The following WDFY2 variants were observed in gnomAD, a reference collection of about 807,000 sequenced individuals.
WDFY2 encodes the protein WD repeat and FYVE domain-containing protein 2.
Under a neutral mutation model 56.4 loss-of-function variants are expected in WDFY2, and 36 were observed. The ratio of observed to expected loss-of-function variants is 0.64; its 90% CI spans 0.49 to 0.84. WDFY2 has a LOEUF of 0.84. Among genes scored for constraint, WDFY2 ranks in the 40% least tolerant of loss-of-function variants. The pLI is 0.00. For missense variants in WDFY2, 444 were observed against 512.2 expected (o/e 0.87, Z 1.29); for synonymous variants, 176 against 183.7 (o/e 0.96, Z 0.34).
At chr13:51,742,377 T>A (rs1952994499) in intron 7 of WDFY2, among the ~76,000 whole-genome samples, 1 of 152,200 alleles carries the variant, frequency 6.6e-6, no homozygotes, top group Non-Finnish European at 1.5e-5. Flanking sequence ...TTCTGGTGTA[T>A]TTATTCCCTG....
intron 1 of WDFY2, among the ~76,000 whole-genome samples, chr13:51,650,387 C>A (rs915345944): frequency 6.6e-6 from 1 of 152,102 alleles, no homozygotes; most frequent in Non-Finnish European, 1.5e-5. Flanking sequence ...TCCTCTTTTC[C>A]TAATTGAATA....
At chr13:51,644,288 C>G (rs933282039) in intron 1 of WDFY2, among the ~76,000 whole-genome samples, 3 of 152,194 alleles carry the variant, frequency 2.0e-5, no homozygotes, top group Admixed American at 2.0e-4. Context: ...GAATTAAGAC[C>G]TTGTGGCTCA....
intron 1 of WDFY2, chr13:51,588,386 C>T (rs999382592): frequency 2.6e-5 from 4 of 152,176 alleles, no homozygotes; most frequent in Non-Finnish European, 5.9e-5. Context: ...ACCTTTGTAT[C>T]TTCATAAGTT....
rs142088850 is a variant in WDFY2 at position 51,735,874 on chromosome 13, T to C, written c.599-3175T>C. Among the ~76,000 whole-genome samples the C allele has an allele frequency of 1.1e-4, 16 of 152,292 alleles. No homozygotes were observed. The East Asian group carries it at 3.1e-3, about 29-fold the overall frequency. ...AGCTTTTCCTTCTATCTCTTCCACT[T>C]TGGGCCCTGGGAGTGTCTGATGAAT... is the stretch of plus-strand genomic sequence containing the variant. On this transcript the variant is annotated intron_variant, in intron 6 of 11. Coordinates refer to ENST00000298125, the MANE Select transcript of WDFY2 (RefSeq NM_052950.4).
At chr13:51,667,292 A>G (rs1955721892) in intron 2 of WDFY2, among the ~76,000 whole-genome samples, 1 of 152,176 alleles carries the variant, frequency 6.6e-6, no homozygotes, top group Non-Finnish European at 1.5e-5. Flanking sequence ...GGTAACAGAC[A>G]AGTTAAAATT....
intron 2 of WDFY2, among the ~76,000 whole-genome samples, chr13:51,672,307 C>G (rs1955821704): frequency 6.6e-6 from 1 of 152,092 alleles, no homozygotes. Flanking sequence ...AATAGGGTGT[C>G]CTTTTTCCAC....
intron 1 of WDFY2, among the ~76,000 whole-genome samples, chr13:51,611,800 A>C (rs1319717982): frequency 6.6e-6 from 1 of 152,170 alleles, no homozygotes; most frequent in Non-Finnish European, 1.5e-5. Flanking sequence ...ATAAGGAAGG[A>C]GATACCTCTG....
intron 1 of WDFY2, among the ~76,000 whole-genome samples, chr13:51,618,845 C>T (rs987968930): frequency 1.3e-5 from 2 of 152,222 alleles, no homozygotes; most frequent in African/African-American, 4.8e-5. Flanking sequence ...GTCCTTCTCC[C>T]TGCCTTTTGC....
Position 51,671,776 on chromosome 13 carries a change from C to CTTT in WDFY2, c.206-3371_206-3369dup, listed in dbSNP as rs564584742. Among the ~76,000 whole-genome samples, 183 of 62,002 alleles carry CTTT rather than the reference C, an allele frequency of 3.0e-3. 5 individuals carry two copies. The highest frequency in any genetic ancestry group is 0.019 in the Middle Eastern group (1 of 54). 40.7% of individuals were successfully genotyped at this position (62,002 alleles called of 152,430 possible). On this transcript the variant is annotated intron_variant, in intron 2 of 11. Coordinates refer to ENST00000298125, the MANE Select transcript of WDFY2 (RefSeq NM_052950.4). ...ATTTATCTTTGATTTGTTGCATTTG[C>CTTT]TTTTTTTTTTTTTTTTTTTTTTTTT...
chr13:51,639,057 T>C (rs889418360), intron 1 of WDFY2, among the ~76,000 whole-genome samples: 2 of 152,222 alleles, frequency 1.3e-5, no homozygotes, highest in Admixed American at 6.5e-5. Flanking sequence ...TTTACATGTA[T>C]GCTTTTTTTA....
At chr13:51,688,117 A>T (rs1341791837) in intron 3 of WDFY2, among the ~76,000 whole-genome samples, 1 of 152,170 alleles carries the variant, frequency 6.6e-6, no homozygotes, top group Non-Finnish European at 1.5e-5. Flanking sequence ...CTCCCAGCCA[A>T]GCTTGTGTTC....
chr13:51,591,680 A>G (rs1954046891), intron 1 of WDFY2: 2 of 152,342 alleles, frequency 1.3e-5, no homozygotes, highest in Admixed American at 6.5e-5. Flanking sequence ...GACCGTTTCA[A>G]TTAATTTCAT....
chr13:51,701,449 A>G (rs917474155), intron 3 of WDFY2, among the ~76,000 whole-genome samples: 1 of 143,780 alleles, frequency 7.0e-6, no homozygotes, highest in Non-Finnish European at 1.5e-5. Flanking sequence ...TGAACCCAGG[A>G]GGTGGAGGTT....
intron 1 of WDFY2, among the ~76,000 whole-genome samples, chr13:51,613,174 A>C (rs1184248574): frequency 6.6e-6 from 1 of 151,672 alleles, no homozygotes; most frequent in African/African-American, 2.4e-5. Flanking sequence ...TAGCCACTGC[A>C]CTCCAGCCTG....
rs572834396 is a variant in WDFY2, at chr13:51,586,269, A to G, written c.137+1445A>G. On this transcript the variant is annotated intron_variant, in intron 1 of 11. Coordinates refer to ENST00000298125, the MANE Select transcript of WDFY2 (RefSeq NM_052950.4). ...ATATTCCATAAAATATATTGAAGGAATATATTGGTAGATGTCACTTTCCCA... is the reference window on the plus strand; with the variant it reads ...ATATTCCATAAAATATATTGAAGGAGTATATTGGTAGATGTCACTTTCCCA... The G allele has an allele frequency of 7.5e-4, 292 of 387,042 alleles. 1 individual carries two copies. The highest frequency in any genetic ancestry group is 1.0e-3 in the Non-Finnish European group (224 of 219,236). 24.0% of individuals were successfully genotyped at this position (387,042 alleles called of 1,614,324 possible).
At chr13:51,593,467 AT>A (rs1302197140) in intron 1 of WDFY2, among the ~76,000 whole-genome samples, 1 of 152,148 alleles carries the variant, frequency 6.6e-6, no homozygotes, top group African/African-American at 2.4e-5. Flanking sequence ...AGATTGCCAT[AT>A]TATTTTCCAA....
rs757930083 is a variant in WDFY2 at position 51,681,133 on chromosome 13, A to G, written c.279+5890A>G. On this transcript the variant is annotated intron_variant, in intron 3 of 11. Transcript: ENST00000298125. ...TACGGTGACGACAAATGGCCTCTGA[A>G]TAAAGCACTTCAGCTGTACCCAAGC... Among the ~76,000 whole-genome samples, 10 of 152,342 alleles carry G rather than the reference A, an allele frequency of 6.6e-5. No individual in the cohort carries two copies. In the East Asian group the frequency reaches 1.7e-3, roughly 26 times the overall value.
intron 1 of WDFY2, among the ~76,000 whole-genome samples, chr13:51,610,651 CAGATA>C (rs1251520871): frequency 6.6e-6 from 1 of 152,168 alleles, no homozygotes. Context: ...GTAAGACTCC[CAGATA>C]AAAGTATAAT....
At chr13:51,738,416 A>G (rs2138685462) in intron 6 of WDFY2, among the ~76,000 whole-genome samples, 1 of 152,358 alleles carries the variant, frequency 6.6e-6, no homozygotes, top group African/African-American at 2.4e-5. Flanking sequence ...TTCTCACCAC[A>G]ACCGTATGAA....
Sources: allele counts gnomAD v4.1 joint callset (sites outside exome capture counted in the v4.1 genomes callset), GRCh38; gene constraint gnomAD v4.1.1; transcripts MANE v1.5; gene names NCBI Gene and HGNC (gene_info 2026-07-23, HGNC 2026-07-21).